The following BNC2 variants were observed in gnomAD, a reference collection of about 807,000 sequenced individuals.
The protein encoded by BNC2 is zinc finger protein basonuclin-2.
Under a neutral mutation model 76.3 loss-of-function variants are expected in BNC2, and 20 were observed. The observed-to-expected ratio is 0.26, with a 90% confidence interval of 0.18 to 0.38. The LOEUF (loss-of-function observed/expected upper bound fraction) is 0.38, where lower values mean the gene tolerates loss of function less well. BNC2 is among the 10% of genes least tolerant of loss of function. The pLI is 1.00. For missense variants in BNC2, 1,382 were observed against 1,399.8 expected (o/e 0.99, Z 0.20); for synonymous variants, 582 against 514.8 (o/e 1.13, Z -1.77).
chr9:16,817,858 AC>A (rs1818221802), intron 1 of BNC2, among the ~76,000 whole-genome samples: 1 of 152,128 alleles, frequency 6.6e-6, no homozygotes, highest in Non-Finnish European at 1.5e-5. Context: ...AATTTGATTT[AC>A]TTTTATGTTT....
chr9:16,571,719 G>C (rs1185816295), intron 4 of BNC2, among the ~76,000 whole-genome samples: 2 of 151,782 alleles, frequency 1.3e-5, no homozygotes, highest in Non-Finnish European at 2.9e-5. Context: ...TCTCTCTTTA[G>C]CCTAATCTTT....
chr9:16,562,620 T>C (rs1563840944), intron 4 of BNC2, among the ~76,000 whole-genome samples: 1 of 152,242 alleles, frequency 6.6e-6, no homozygotes. Context: ...ACAGAATAAA[T>C]TATAATCCAA....
At position 16,812,290 on chromosome 9, in the gene BNC2, A is replaced by G. The variant is rs142321101; in HGVS notation, c.3+58356T>C. ...CTTCTTCACCTCTCCATCCCAAGAA[A>G]AAGATTCACAAAACCAGGGAATATT... On this transcript the variant is annotated intron_variant, in intron 1 of 6. Transcript: ENST00000380672. 1.8e-4 allele frequency among the ~76,000 whole-genome samples: 27 copies of G among 152,330 alleles called. No homozygotes were observed. In the East Asian group the frequency reaches 5.2e-3, roughly 29 times the overall value.
chr9:16,808,739 G>T (rs1817974142), intron 1 of BNC2, among the ~76,000 whole-genome samples: 1 of 150,922 alleles, frequency 6.6e-6, no homozygotes, highest in East Asian at 1.9e-4. Context: ...TTATAAAATA[G>T]AAAAAAATAA....
chr9:16,730,861 C>T (rs1791348336), intron 2 of BNC2, among the ~76,000 whole-genome samples: 1 of 152,158 alleles, frequency 6.6e-6, no homozygotes, highest in Non-Finnish European at 1.5e-5. Context: ...CTTTGTAACA[C>T]AAATTTACAA....
At chr9:16,771,113 G>A (rs541583309) in intron 1 of BNC2, among the ~76,000 whole-genome samples, 3 of 152,176 alleles carry the variant, frequency 2.0e-5, no homozygotes, top group East Asian at 1.9e-4. Flanking sequence ...AGGTTGCAGC[G>A]AGCCAAGATC....
At chr9:16,738,119 G>C (rs1327171361) in intron 2 of BNC2, among the ~76,000 whole-genome samples, 1 of 152,138 alleles carries the variant, frequency 6.6e-6, no homozygotes, top group Non-Finnish European at 1.5e-5. Flanking sequence ...ATAGAAGGCA[G>C]ATACTTTATC....
chr9:16,498,642 T>C (rs1822451179), intron 5 of BNC2, among the ~76,000 whole-genome samples: 1 of 151,302 alleles, frequency 6.6e-6, no homozygotes, highest in Admixed American at 6.6e-5. Context: ...ATACCACCTG[T>C]ACCCCAATAA....
At chr9:16,776,638 T>C (rs1286497692) in intron 1 of BNC2, among the ~76,000 whole-genome samples, 1 of 152,152 alleles carries the variant, frequency 6.6e-6, no homozygotes, top group Non-Finnish European at 1.5e-5. Flanking sequence ...TAATGCATAA[T>C]ACAAACCACT....
rs1281137418 is a variant in BNC2 at position 16,772,546 on chromosome 9, T to C, written c.4-34061A>G. On this transcript the variant is annotated intron_variant, in intron 1 of 6. Coordinates refer to ENST00000380672, the MANE Select transcript of BNC2 (RefSeq NM_017637.6). ...TGCATTTTCCCCCTCTTTGAACTGA[T>C]ACTATATGAAGTTGGCTAAAACCTA... Among the ~76,000 whole-genome samples, 5 of 152,166 alleles carry C rather than the reference T, an allele frequency of 3.3e-5. No homozygotes were observed. The East Asian group carries it at 7.7e-4, about 23-fold the overall frequency.
At chr9:16,788,369 T>TCC (rs1826362276) in intron 1 of BNC2, among the ~76,000 whole-genome samples, 1 of 151,252 alleles carries the variant, frequency 6.6e-6, no homozygotes, top group African/African-American at 2.4e-5. Context: ...CTGGCTAACA[T>TCC]GGTGAAACCC....
intron 1 of BNC2, among the ~76,000 whole-genome samples, chr9:16,801,724 CT>C (rs1326494710): frequency 3.4e-5 from 2 of 59,678 alleles, no homozygotes; most frequent in Non-Finnish European, 8.9e-5. Context: ...AAGACACCCC[CT>C]TAAATTAAAA....
intron 5 of BNC2, among the ~76,000 whole-genome samples, chr9:16,468,688 G>C (rs1211817551): frequency 6.6e-6 from 1 of 152,116 alleles, no homozygotes; most frequent in Non-Finnish European, 1.5e-5. Flanking sequence ...ACCACACCCG[G>C]ACTATATGCA....
At chr9:16,743,916 T>C (rs1299345243) in intron 1 of BNC2, among the ~76,000 whole-genome samples, 1 of 152,150 alleles carries the variant, frequency 6.6e-6, no homozygotes, top group Admixed American at 6.6e-5. Flanking sequence ...TCTCGGTTTT[T>C]TTCCCCTACC....
intron 3 of BNC2, among the ~76,000 whole-genome samples, chr9:16,590,333 C>T (rs151158799): frequency 6.6e-6 from 1 of 152,120 alleles, no homozygotes; most frequent in East Asian, 2.0e-4. Context: ...GCTGGGATTT[C>T]AGGCGCCCAC....
chr9:16,537,510 A>G (rs1184357177), intron 5 of BNC2, among the ~76,000 whole-genome samples: 1 of 152,078 alleles, frequency 6.6e-6, no homozygotes, highest in Non-Finnish European at 1.5e-5. Flanking sequence ...TATATCAAAA[A>G]TGAAAGAAAG....
At chr9:16,462,268 C>T (rs921557178) in intron 5 of BNC2, among the ~76,000 whole-genome samples, 2 of 152,130 alleles carry the variant, frequency 1.3e-5, no homozygotes, top group Non-Finnish European at 2.9e-5. Context: ...GACATGCCGA[C>T]ATCAATTCAA....
At position 16,700,945 on chromosome 9, in the gene BNC2, A is replaced by AT. The variant is rs1056355244; in HGVS notation, c.330+26851dup. ...CTCTGTCTCAAGAATAAATAAATAA[A>AT]TAATAAATAAAATTATACTGATTAG... On this transcript the variant is annotated intron_variant, in intron 3 of 6. Transcript: ENST00000380672. Among the ~76,000 whole-genome samples the AT allele has an allele frequency of 5.9e-5, 9 of 152,220 alleles. No individual in the cohort carries two copies. The East Asian group carries it at 7.7e-4, about 13-fold the overall frequency.
At chr9:16,717,781 T>C (rs945438719) in intron 3 of BNC2, among the ~76,000 whole-genome samples, 7 of 152,206 alleles carry the variant, frequency 4.6e-5, no homozygotes, top group African/African-American at 7.2e-5. Flanking sequence ...TAGGCTTATA[T>C]TGAAGCTCAT....
Sources: allele counts gnomAD v4.1 joint callset (sites outside exome capture counted in the v4.1 genomes callset), GRCh38; gene constraint gnomAD v4.1.1; transcripts MANE v1.5; gene names NCBI Gene and HGNC (gene_info 2026-07-23, HGNC 2026-07-21).